REV3L: variants seen among roughly 807,000 people sequenced by gnomAD.
REV3L encodes the protein REV3 like, DNA directed polymerase zeta catalytic subunit, also known as DNA polymerase zeta catalytic subunit.
Under a neutral mutation model 299.4 loss-of-function variants are expected in REV3L, and 69 were observed. The ratio of observed to expected loss-of-function variants is 0.23; its 90% CI spans 0.19 to 0.28. The LOEUF (loss-of-function observed/expected upper bound fraction) is 0.28, where lower values mean the gene tolerates loss of function less well. Ranked by LOEUF, REV3L falls within the 10% of genes least tolerant of loss-of-function variation. REV3L has a pLI of 1.00. For synonymous variants in REV3L, 1,238 were observed against 1,271.4 expected (o/e 0.97, Z 0.56); for missense variants, 3,128 against 3,693.8 (o/e 0.85, Z 3.97).
chr6:111,304,292 A>ATG (rs1772008220), intron 31 of REV3L, among the ~76,000 whole-genome samples: 1 of 147,294 alleles, frequency 6.8e-6, no homozygotes, highest in Non-Finnish European at 1.5e-5. Context: ...CATTCTAGAA[A>ATG]CACTTAAGAA....
chr6:111,338,913 T>A (rs954057089), intron 21 of REV3L, among the ~76,000 whole-genome samples: 2 of 152,096 alleles, frequency 1.3e-5, no homozygotes, highest in African/African-American at 4.8e-5. Flanking sequence ...CAGCACAGAC[T>A]TTGGAGTGAG....
chr6:111,474,820 T>C (rs1050436729), intron 1 of REV3L, among the ~76,000 whole-genome samples: 5 of 152,200 alleles, frequency 3.3e-5, no homozygotes, highest in African/African-American at 1.2e-4. Flanking sequence ...CTTTGAATAG[T>C]ATTACATGCA....
rs1554250413 is a variant in REV3L at position 111,465,754 on chromosome 6, A to AAAC, written c.139+16995_139+16996insGTT. The stretch of plus-strand genomic sequence containing the variant: ...ACTCAAAAACAAAAACCAAAAAAAA[A>AAAC]AAAAAAAAAAAACTTTGTTTAAAAT... On this transcript the variant is annotated intron_variant, in intron 1 of 31. Coordinates refer to ENST00000368802, the MANE Select transcript of REV3L (RefSeq NM_001372078.1). 5.3e-5 allele frequency among the ~76,000 whole-genome samples: 8 copies of AAAC among 150,928 alleles called. 1 individual carries two copies. The highest frequency in any genetic ancestry group is 3.9e-4 in the East Asian group (2 of 5,152).
intron 1 of REV3L, chr6:111,460,420 G>A (rs1049100810): frequency 3.7e-4 from 8 of 21,844 alleles, no homozygotes; most frequent in Admixed American, 1.1e-3. Flanking sequence ...AAATAAAAGC[G>A]GAAAAAGAAA....
intron 16 of REV3L, among the ~76,000 whole-genome samples, chr6:111,359,854 A>C (rs1778474492): frequency 6.6e-6 from 1 of 152,206 alleles, no homozygotes; most frequent in South Asian, 2.1e-4. Flanking sequence ...AAATTTAACA[A>C]AGGATTTGTG....
chr6:111,453,665 T>G (rs576670144), intron 1 of REV3L, among the ~76,000 whole-genome samples: 137 of 152,304 alleles, frequency 9.0e-4, no homozygotes, highest in Non-Finnish European at 1.8e-3. Context: ...CAAGAATATT[T>G]CCTTTAAATA....
chr6:111,434,488 G>T (rs1378588079), intron 1 of REV3L, among the ~76,000 whole-genome samples: 2 of 151,774 alleles, frequency 1.3e-5, no homozygotes, highest in Non-Finnish European at 2.9e-5. Flanking sequence ...GCATGCTGGC[G>T]GGCGCCTGTA....
chr6:111,366,186 A>G (rs188983960), intron 14 of REV3L, among the ~76,000 whole-genome samples: 1 of 152,188 alleles, frequency 6.6e-6, no homozygotes, highest in Non-Finnish European at 1.5e-5. Context: ...GCATGTATAT[A>G]TAAGTGTGTT....
At chr6:111,354,728 A>G (rs149703390) in intron 18 of REV3L, among the ~76,000 whole-genome samples, 2 of 152,302 alleles carry the variant, frequency 1.3e-5, no homozygotes, top group African/African-American at 4.8e-5. Flanking sequence ...AGGTTTCTGA[A>G]AGTTACAGAA....
At chr6:111,451,635 G>A (rs1049485955) in intron 1 of REV3L, among the ~76,000 whole-genome samples, 8 of 151,908 alleles carry the variant, frequency 5.3e-5, no homozygotes, top group African/African-American at 1.7e-4. Context: ...CAATACCGAA[G>A]GGAATTTTTA....
At chr6:111,336,083 G>A (rs1227039225) in intron 21 of REV3L, among the ~76,000 whole-genome samples, 3 of 151,680 alleles carry the variant, frequency 2.0e-5, no homozygotes, top group Non-Finnish European at 1.5e-5. Flanking sequence ...GAGTAATTTG[G>A]TGAAGATTTA....
intron 9 of REV3L, among the ~76,000 whole-genome samples, chr6:111,386,121 C>T (rs1030564062): frequency 7.2e-5 from 11 of 152,138 alleles, no homozygotes; most frequent in African/African-American, 2.4e-4. Flanking sequence ...GAGTACAATG[C>T]ATACACCCTA....
intron 1 of REV3L, among the ~76,000 whole-genome samples, chr6:111,449,338 A>G (rs565792472): frequency 2.6e-5 from 4 of 152,326 alleles, no homozygotes; most frequent in African/African-American, 9.6e-5. Flanking sequence ...TGAGTTGAGG[A>G]AACAAAGTTG....
In REV3L at chr6:111,324,625, C is replaced by T. The variant is rs141696036; in HGVS notation, c.8242-1947G>A. Among the ~76,000 whole-genome samples the T allele has an allele frequency of 8.4e-4, 128 of 152,090 alleles. 1 individual carries two copies. Among genetic ancestry groups the T allele is most frequent in the African/African-American group, 3.0e-3 (123 of 41,472 alleles). ...TTACTCTGGCGCATTTAAGTTATAC[C>T]CCAAAGAGTCAGAACTCTGCAGTTA... is the stretch of plus-strand genomic sequence containing the variant. On this transcript the variant is annotated intron_variant, in intron 25 of 31. Coordinates refer to ENST00000368802, the MANE Select transcript of REV3L (RefSeq NM_001372078.1).
At chr6:111,470,640 A>G (rs189739224) in intron 1 of REV3L, among the ~76,000 whole-genome samples, 4 of 152,372 alleles carry the variant, frequency 2.6e-5, no homozygotes, top group Admixed American at 2.6e-4. Context: ...GGTGTGAGAC[A>G]TCATAATTAA....
At chr6:111,385,764 C>T (rs1206526926) in intron 9 of REV3L, among the ~76,000 whole-genome samples, 2 of 151,646 alleles carry the variant, frequency 1.3e-5, no homozygotes, top group African/African-American at 4.8e-5. Context: ...AGAACTCCTA[C>T]AAATAAGAAA....
chr6:111,355,315 T>C (rs1777979864), intron 18 of REV3L, among the ~76,000 whole-genome samples: 1 of 152,152 alleles, frequency 6.6e-6, no homozygotes, highest in African/African-American at 2.4e-5. Context: ...ATGTGTATTA[T>C]CTACCCATTT....
At chr6:111,467,849 CTG>C (rs1467166224) in intron 1 of REV3L, among the ~76,000 whole-genome samples, 1 of 152,140 alleles carries the variant, frequency 6.6e-6, no homozygotes, top group African/African-American at 2.4e-5. Context: ...AGAGGGAAGA[CTG>C]TACGTAAGAG....
At chr6:111,471,941 T>C in intron 1 of REV3L, 1 of 899,236 alleles carries the variant, frequency 1.1e-6, no homozygotes, top group Non-Finnish European at 1.4e-6. Context: ...GAGTAGGATT[T>C]ACCAACTTCA....
Sources: allele counts gnomAD v4.1 joint callset (sites outside exome capture counted in the v4.1 genomes callset), GRCh38; gene constraint gnomAD v4.1.1; transcripts MANE v1.5; gene names NCBI Gene and HGNC (gene_info 2026-07-23, HGNC 2026-07-21).